KCNIP4: variants seen among roughly 807,000 people sequenced by gnomAD.
KCNIP4 encodes Kv channel-interacting protein 4.
KCNIP4 carries 12 observed loss-of-function variants against 34.0 expected under a neutral mutation model. The ratio of observed to expected loss-of-function variants is 0.35; its 90% confidence interval spans 0.23 to 0.57. The LOEUF is 0.57. Among genes scored for constraint, KCNIP4 ranks in the 20% least tolerant of loss-of-function variants. The pLI, the probability that KCNIP4 is intolerant of heterozygous loss-of-function variation, is 0.83. For missense variants in KCNIP4, 238 were observed against 311.7 expected, an observed-to-expected ratio of 0.76 and a Z score of 1.78; for synonymous variants, 124 against 102.2, an observed-to-expected ratio of 1.21 and a Z score of -1.29.
At position 21,753,141 on chromosome 4, in the gene KCNIP4, C is replaced by G. The variant is rs538523779; in HGVS notation, c.61+195430G>C. On this transcript the variant is annotated intron_variant, in intron 1 of 8. Coordinates refer to ENST00000382152, the MANE Select transcript of KCNIP4 (RefSeq NM_025221.6). ...ATCTGGCATGTTTGAGTGAGTGTTT[C>G]CAAGATCTGCAATTAAGCAGGGCAG... Among the ~76,000 whole-genome samples the G allele has an allele frequency of 3.3e-5, 5 of 152,212 alleles. No individual in the cohort carries two copies. In the East Asian group the frequency reaches 9.7e-4, roughly 29 times the overall value.
intron 1 of KCNIP4, among the ~76,000 whole-genome samples, chr4:21,330,279 T>C (rs1437471892): frequency 6.6e-6 from 1 of 152,214 alleles, no homozygotes; most frequent in Non-Finnish European, 1.5e-5. Context: ...TTGTCAATTA[T>C]AGCATAAATT....
intron 1 of KCNIP4, among the ~76,000 whole-genome samples, chr4:21,290,347 GA>G (rs1025214767): frequency 0.011 from 1,645 of 149,686 alleles, 29 homozygotes; most frequent in African/African-American, 0.038. Flanking sequence ...CTCCTCCTGG[GA>G]AAAAAAAATA....
intron 2 of KCNIP4, among the ~76,000 whole-genome samples, chr4:20,869,259 T>C (rs1443897265): frequency 6.6e-6 from 1 of 152,110 alleles, no homozygotes; most frequent in Non-Finnish European, 1.5e-5. Flanking sequence ...TTAGGAAAAC[T>C]GAGCAGTGAT....
At chr4:20,769,571 T>C (rs1016619167) in intron 3 of KCNIP4, among the ~76,000 whole-genome samples, 2 of 152,206 alleles carry the variant, frequency 1.3e-5, no homozygotes, top group African/African-American at 2.4e-5. Flanking sequence ...CAGTTTTCTA[T>C]TGCTGCATAA....
At chr4:21,620,802 C>T (rs533972413) in intron 1 of KCNIP4, among the ~76,000 whole-genome samples, 19 of 152,290 alleles carry the variant, frequency 1.2e-4, no homozygotes, top group Middle Eastern at 3.4e-3. Flanking sequence ...TGCCCATGTA[C>T]TTAGCCAAGG....
In KCNIP4 at chr4:20,928,494, A is replaced by C. The variant is rs1730118296; in HGVS notation, c.62-45785T>G. 2.0e-5 allele frequency among the ~76,000 whole-genome samples: 3 copies of C among 152,116 alleles called. No homozygotes were observed. The South Asian group carries it at 6.2e-4, about 31-fold the overall frequency. ...CAGTTCTAGGATAAAGGTTTATAAC[A>C]ATAAATGCCTACATTAAAAAAGAAG... On this transcript the variant is annotated intron_variant, in intron 1 of 8. Transcript: ENST00000382152.
chr4:21,147,759 T>C (rs1752463391), intron 1 of KCNIP4, among the ~76,000 whole-genome samples: 2 of 151,520 alleles, frequency 1.3e-5, no homozygotes, highest in Non-Finnish European at 2.9e-5. Flanking sequence ...ACCAACATGG[T>C]GAAACCCTGT....
chr4:20,834,509 A>G (rs1718810467), intron 3 of KCNIP4, among the ~76,000 whole-genome samples: 1 of 152,170 alleles, frequency 6.6e-6, no homozygotes, highest in South Asian at 2.1e-4. Flanking sequence ...TTTCACCTAC[A>G]TGGAGCTGTG....
chr4:21,702,623 T>A lies in KCNIP4; in HGVS notation c.61+245948A>T, dbSNP rs575012847. On this transcript the variant is annotated intron_variant, in intron 1 of 8. Transcript: ENST00000382152. ...ATTTACAATTTATAAAATTTTCCAT[T>A]AAAAAAAACTTCAGACCACATGGTT... 3.9e-4 allele frequency among the ~76,000 whole-genome samples: 60 copies of A among 151,982 alleles called. 2 individuals are homozygous for A. The South Asian group carries it at 1.0e-2, about 25-fold the overall frequency.
At chr4:20,897,707 C>T (rs920939738) in intron 1 of KCNIP4, among the ~76,000 whole-genome samples, 5 of 152,114 alleles carry the variant, frequency 3.3e-5, no homozygotes, top group East Asian at 1.9e-4. Flanking sequence ...CAGGTGAGGA[C>T]GCTGTGAGAG....
chr4:21,400,068 T>C (rs1723339802), intron 1 of KCNIP4, among the ~76,000 whole-genome samples: 1 of 152,190 alleles, frequency 6.6e-6, no homozygotes, highest in African/African-American at 2.4e-5. Context: ...ATCCCATCTC[T>C]TCCTTGGATT....
In KCNIP4 at chr4:21,714,779, CCCTTTGATT is replaced by C. The variant is rs1250457135; in HGVS notation, c.61+233783_61+233791del. ...ATTATAAAGAATGTGTTAGTAATTT[CCCTTTGATT>C]ATTTTATTTTATTTTATTTTATTTT... On this transcript the variant is annotated intron_variant, in intron 1 of 8. Transcript: ENST00000382152. 2.1e-3 allele frequency among the ~76,000 whole-genome samples: 108 copies of C among 52,652 alleles called. 3 individuals carry two copies. The highest frequency in any genetic ancestry group is 0.013 in the African/African-American group (98 of 7,812). The allele number at this position is 52,652 out of a possible 152,430, so 34.5% of individuals were successfully genotyped here.
chr4:21,306,975 A>G (rs1293340672), intron 1 of KCNIP4, among the ~76,000 whole-genome samples: 1 of 152,102 alleles, frequency 6.6e-6, no homozygotes, highest in African/African-American at 2.4e-5. Context: ...GGCATGCACC[A>G]CCACACCCAG....
chr4:21,890,695 T>C (rs1024076848), intron 1 of KCNIP4, among the ~76,000 whole-genome samples: 1 of 152,088 alleles, frequency 6.6e-6, no homozygotes, highest in African/African-American at 2.4e-5. Flanking sequence ...TCTATTATAT[T>C]ATTTAATCTA....
chr4:21,158,131 C>T (rs901205125), intron 1 of KCNIP4, among the ~76,000 whole-genome samples: 2 of 151,820 alleles, frequency 1.3e-5, no homozygotes, highest in Admixed American at 6.6e-5. Context: ...TCTAAATAAC[C>T]CTGTATCTGT....
intron 1 of KCNIP4, among the ~76,000 whole-genome samples, chr4:21,442,269 T>C (rs1020434879): frequency 1.3e-5 from 2 of 152,164 alleles, no homozygotes; most frequent in Admixed American, 6.5e-5. Flanking sequence ...ATTTTTTCCT[T>C]CCTAGCACTT....
intron 3 of KCNIP4, among the ~76,000 whole-genome samples, chr4:20,805,019 T>C (rs1714880407): frequency 6.6e-6 from 1 of 152,006 alleles, no homozygotes; most frequent in Non-Finnish European, 1.5e-5. Flanking sequence ...AGGGTTCTGA[T>C]TGGTCTGATT....
In KCNIP4 at chr4:20,803,600, G is replaced by A. The variant is rs574163978; in HGVS notation, c.289-44710C>T. On this transcript the variant is annotated intron_variant, in intron 3 of 8. Transcript: ENST00000382152. ...TTGAGCCTGGGAGGTGGAGGCTGCC[G>A]TAAGCTGAGATTGTGTTGCTTCACT... Among the ~76,000 whole-genome samples, 9 of 150,932 alleles carry A rather than the reference G, an allele frequency of 6.0e-5. No homozygotes were observed. The South Asian group carries it at 6.3e-4, about 11-fold the overall frequency.
intron 1 of KCNIP4, among the ~76,000 whole-genome samples, chr4:20,958,385 A>G (rs1733521620): frequency 6.6e-6 from 1 of 152,234 alleles, no homozygotes; most frequent in South Asian, 2.1e-4. Context: ...ACCAAAGTCA[A>G]AGGGCAATAG....
Sources: gnomAD v4.1 joint callset for allele counts (sites outside exome capture counted in the v4.1 genomes callset) on GRCh38, gnomAD v4.1.1 for gene constraint, MANE v1.5 for transcripts, NCBI Gene and HGNC (gene_info 2026-07-23, HGNC 2026-07-21) for gene names.